GNAL: variants seen among roughly 807,000 people sequenced by gnomAD.
GNAL encodes the protein guanine nucleotide-binding protein G(olf) subunit alpha.
Under a neutral mutation model 55.1 loss-of-function variants are expected in GNAL, and 18 were observed. That is an observed-to-expected ratio of 0.33 (90% CI 0.23 to 0.48). GNAL has a LOEUF of 0.48. GNAL is among the 20% of genes least tolerant of loss of function. GNAL has a pLI of 0.99. For synonymous variants in GNAL, 253 were observed against 237.0 expected, an observed-to-expected ratio of 1.07 and a Z score of -0.62; for missense variants, 412 against 614.1, an observed-to-expected ratio of 0.67 and a Z score of 3.48.
intron 1 of GNAL, among the ~76,000 whole-genome samples, chr18:11,736,172 A>T (rs1017193779): frequency 6.6e-6 from 1 of 152,156 alleles, no homozygotes; most frequent in Admixed American, 6.5e-5. Flanking sequence ...AGGCGGGAAG[A>T]TTGCTTGAGG....
In GNAL at chr18:11,875,112, G is replaced by A. The variant is rs141137288; in HGVS notation, c.1163-1509G>A. Among the ~76,000 whole-genome samples the A allele has an allele frequency of 1.5e-4, 23 of 152,280 alleles. No individual in the cohort carries two copies. The East Asian group carries it at 3.7e-3, about 24-fold the overall frequency. On this transcript the variant is annotated intron_variant, in intron 10 of 11. Coordinates refer to ENST00000334049, the MANE Select transcript of GNAL (RefSeq NM_182978.4). ...TCGGCCATAGTGATCTGGGTGCTCC[G>A]CATGCCTGAGTGGGGAGCAGGAACA...
chr18:11,745,370 C>CT (rs2032667011), intron 1 of GNAL, among the ~76,000 whole-genome samples: 2 of 151,960 alleles, frequency 1.3e-5, no homozygotes, highest in Non-Finnish European at 2.9e-5. Flanking sequence ...GAACAGGTGA[C>CT]TTTTTTTTCA....
chr18:11,757,125 C>T (rs1044017623), intron 4 of GNAL, among the ~76,000 whole-genome samples: 1 of 151,902 alleles, frequency 6.6e-6, no homozygotes, highest in Admixed American at 6.6e-5. Flanking sequence ...GGGGGAAATA[C>T]GGGTGGGTTG....
intron 9 of GNAL, among the ~76,000 whole-genome samples, chr18:11,870,288 A>G (rs1214062129): frequency 6.6e-6 from 1 of 152,220 alleles, no homozygotes; most frequent in Non-Finnish European, 1.5e-5. Flanking sequence ...TGGGAGGCCA[A>G]GGCAGGAAGA....
intron 1 of GNAL, among the ~76,000 whole-genome samples, chr18:11,748,133 A>AT (rs1211353722): frequency 6.6e-6 from 1 of 152,180 alleles, no homozygotes; most frequent in East Asian, 1.9e-4. Context: ...TGGGTTAAAA[A>AT]TTTTTTTAAG....
chr18:11,698,420 G>A (rs1417350847), intron 1 of GNAL, among the ~76,000 whole-genome samples: 1 of 150,408 alleles, frequency 6.6e-6, no homozygotes, highest in Non-Finnish European at 1.5e-5. Flanking sequence ...GAACCCAGGA[G>A]GCAGAGGTTG....
intron 4 of GNAL, among the ~76,000 whole-genome samples, chr18:11,763,181 A>G (rs1054207122): frequency 2.6e-5 from 4 of 152,234 alleles, no homozygotes; most frequent in East Asian, 1.9e-4. Context: ...GAATACTGCC[A>G]TGTGTCCTTC....
chr18:11,781,227 AT>A (rs2033917548), intron 4 of GNAL, among the ~76,000 whole-genome samples: 1 of 152,230 alleles, frequency 6.6e-6, no homozygotes, highest in South Asian at 2.1e-4. Flanking sequence ...CAAATAAAGC[AT>A]TCCCCAATTC....
At chr18:11,733,006 C>G (rs370139401) in intron 1 of GNAL, among the ~76,000 whole-genome samples, 66 of 152,322 alleles carry the variant, frequency 4.3e-4, no homozygotes, top group Non-Finnish European at 7.2e-4. Context: ...AAATTGCAGA[C>G]AGCAAGGAAA....
chr18:11,713,797 T>C (rs1475471668), intron 1 of GNAL, among the ~76,000 whole-genome samples: 1 of 152,194 alleles, frequency 6.6e-6, no homozygotes, highest in Non-Finnish European at 1.5e-5. Context: ...CTCCCTTTCC[T>C]GGAGCATAAA....
At chr18:11,730,183 A>T (rs2032306247) in intron 1 of GNAL, among the ~76,000 whole-genome samples, 1 of 143,042 alleles carries the variant, frequency 7.0e-6, no homozygotes, top group African/African-American at 2.7e-5. Context: ...TTTTTGAGGC[A>T]GAGTATCCCT....
chr18:11,739,528 G>A (rs1355447124), intron 1 of GNAL, among the ~76,000 whole-genome samples: 3 of 152,126 alleles, frequency 2.0e-5, no homozygotes, highest in African/African-American at 4.8e-5. Flanking sequence ...CAGTTTCATC[G>A]GTCGGCCCCT....
intron 1 of GNAL, among the ~76,000 whole-genome samples, chr18:11,736,312 T>A (rs1315987709): frequency 6.6e-6 from 1 of 152,180 alleles, no homozygotes; most frequent in Non-Finnish European, 1.5e-5. Context: ...GGAGGATCAC[T>A]TGAACCCACG....
At chr18:11,860,488 G>A (rs2036106908) in intron 5 of GNAL, among the ~76,000 whole-genome samples, 1 of 152,200 alleles carries the variant, frequency 6.6e-6, no homozygotes, top group South Asian at 2.1e-4. Flanking sequence ...AGGTTCTGTA[G>A]CTGAGTGAAC....
intron 4 of GNAL, among the ~76,000 whole-genome samples, chr18:11,818,141 G>A (rs146769095): frequency 2.0e-5 from 3 of 151,978 alleles, no homozygotes; most frequent in East Asian, 3.9e-4. Flanking sequence ...GCTGAGGCAC[G>A]AGAATGGCTT....
At chr18:11,714,432 C>T (rs1019698121) in intron 1 of GNAL, among the ~76,000 whole-genome samples, 2 of 152,136 alleles carry the variant, frequency 1.3e-5, no homozygotes, top group Admixed American at 6.5e-5. Context: ...GCTGAGCGCT[C>T]GCTGAATCCA....
At chr18:11,839,886 A>T (rs1276731610) in intron 5 of GNAL, among the ~76,000 whole-genome samples, 2 of 152,244 alleles carry the variant, frequency 1.3e-5, no homozygotes, top group African/African-American at 2.4e-5. Context: ...CAAGGAATGT[A>T]ATGAAAGCTT....
intron 1 of GNAL, among the ~76,000 whole-genome samples, chr18:11,703,794 GGC>G (rs2031637482): frequency 1.1e-5 from 1 of 88,568 alleles, no homozygotes; most frequent in African/African-American, 5.6e-5. Flanking sequence ...AGTGTTGATG[GGC>G]ACACACACAC....
At chr18:11,820,301 G>A (rs1030611077) in intron 4 of GNAL, among the ~76,000 whole-genome samples, 5 of 152,142 alleles carry the variant, frequency 3.3e-5, no homozygotes, top group Admixed American at 6.6e-5. Flanking sequence ...TGGGGGTGGC[G>A]TATTTTGATC....
Sources: gnomAD v4.1 joint callset for allele counts (sites outside exome capture counted in the v4.1 genomes callset) on GRCh38, gnomAD v4.1.1 for gene constraint, MANE v1.5 for transcripts, NCBI Gene and HGNC (gene_info 2026-07-23, HGNC 2026-07-21) for gene names.